BLTP3B: variants seen among roughly 807,000 people sequenced by gnomAD.
BLTP3B encodes the protein UHRF1 (ICBP90) binding protein 1-like.
chr12:100,099,985 A>T, the BLTP3B span, among the ~76,000 whole-genome samples: 2 of 151,162 alleles, frequency 1.3e-5, no homozygotes, highest in East Asian at 1.9e-4. Context: ...GTTACATATA[A>T]ATTATTAAAA....
At chr12:100,101,949 G>A in the BLTP3B span, among the ~76,000 whole-genome samples, 16 of 151,958 alleles carry the variant, frequency 1.1e-4, no homozygotes, top group African/African-American at 3.4e-4. Context: ...GAATACAGGC[G>A]TATACCACCG....
chr12:100,037,390 G>A, the BLTP3B span: 16 of 1,181,510 alleles, frequency 1.4e-5, no homozygotes, highest in Non-Finnish European at 1.5e-5. Context: ...ACTATGTGTT[G>A]ACTTCCCTAG....
chr12:100,043,694 G>A, the BLTP3B span, among the ~76,000 whole-genome samples: 10 of 152,152 alleles, frequency 6.6e-5, no homozygotes, highest in African/African-American at 2.4e-4. Context: ...TAACTAGATA[G>A]GGAATCATTC....
the BLTP3B span, chr12:100,095,861 T>A: frequency 4.5e-6 from 7 of 1,549,814 alleles, no homozygotes; most frequent in Non-Finnish European, 6.1e-6. Flanking sequence ...AAATGTTTTA[T>A]AAAATTAAGC....
At chr12:100,051,164 C>A in the BLTP3B span, 1 of 1,614,042 alleles carries the variant, frequency 6.2e-7, no homozygotes, top group East Asian at 2.2e-5. Context: ...TAGGTTTGCA[C>A]CAGCATTCAC....
the BLTP3B span, among the ~76,000 whole-genome samples, chr12:100,121,306 T>C: frequency 1.4e-5 from 2 of 143,078 alleles, no homozygotes; most frequent in Non-Finnish European, 3.0e-5. Context: ...GCTGAGATAG[T>C]GCCACTGCAT....
chr12:100,122,773 C>G, the BLTP3B span, among the ~76,000 whole-genome samples: 2 of 152,086 alleles, frequency 1.3e-5, no homozygotes, highest in Non-Finnish European at 1.5e-5. Flanking sequence ...CTTCAAGAAC[C>G]CTCTTCTCTA....
the BLTP3B span, chr12:100,050,022 A>G: frequency 2.5e-6 from 2 of 807,056 alleles, no homozygotes; most frequent in Non-Finnish European, 3.5e-6. Flanking sequence ...CACACTATAG[A>G]AAAAACCACT....
the BLTP3B span, among the ~76,000 whole-genome samples, chr12:100,134,358 C>G: frequency 6.6e-5 from 10 of 152,158 alleles, no homozygotes; most frequent in Non-Finnish European, 1.2e-4. Flanking sequence ...TAATCCCAAG[C>G]ACTTTGGGAA....
At chr12:100,138,004 G>C in the BLTP3B span, among the ~76,000 whole-genome samples, 351 of 152,258 alleles carry the variant, frequency 2.3e-3, 8 homozygotes, top group East Asian at 0.04. Context: ...ATCAAAGACT[G>C]GGAATTATGG....
At chr12:100,069,911 C>A in the BLTP3B span, 1 of 1,045,182 alleles carries the variant, frequency 9.6e-7, no homozygotes, top group South Asian at 4.7e-5. Context: ...TTAAAAATTA[C>A]TTGTTCAATG....
At chr12:100,098,635 C>A in the BLTP3B span, 2 of 1,342,184 alleles carry the variant, frequency 1.5e-6, no homozygotes. Flanking sequence ...GGGATGGTGG[C>A]TCATACCTGT....
the BLTP3B span, among the ~76,000 whole-genome samples, chr12:100,089,579 C>CA: frequency 6.6e-6 from 1 of 151,568 alleles, no homozygotes; most frequent in African/African-American, 2.4e-5. Flanking sequence ...AAAACAAAAA[C>CA]AAAAAAACAA....
the BLTP3B span, among the ~76,000 whole-genome samples, chr12:100,073,603 G>A: frequency 6.8e-3 from 1,036 of 151,808 alleles, 6 homozygotes; most frequent in Non-Finnish European, 7.5e-3. Flanking sequence ...AATTATTATT[G>A]TAAATTCAGT....
chr12:100,136,113 G>A, the BLTP3B span, among the ~76,000 whole-genome samples: 42,221 of 151,302 alleles, frequency 0.28, 8,550 homozygotes, highest in African/African-American at 0.57. Flanking sequence ...CAGGAGGCTA[G>A]GGCAGGAGTA....
chr12:100,088,860 T>C, the BLTP3B span: 1 of 1,340,158 alleles, frequency 7.5e-7, no homozygotes, highest in Non-Finnish European at 9.9e-7. Flanking sequence ...ACAATCCAGT[T>C]TTGTAGTCAA....
the BLTP3B span, chr12:100,039,683 C>A: frequency 5.0e-6 from 8 of 1,614,014 alleles, no homozygotes; most frequent in Admixed American, 6.7e-5. Context: ...GAGTGGCTTG[C>A]GTGACACTGC....
At chr12:100,140,729 A>AAAAT in the BLTP3B span, among the ~76,000 whole-genome samples, 65 of 61,462 alleles carry the variant, frequency 1.1e-3, 1 homozygote, top group African/African-American at 1.5e-3. Context: ...AAAAAAAAAA[A>AAAAT]ATATATATAT....
chr12:100,063,188 G>A, the BLTP3B span, among the ~76,000 whole-genome samples: 4 of 152,190 alleles, frequency 2.6e-5, no homozygotes, highest in South Asian at 8.3e-4. Flanking sequence ...GGGAGGACCC[G>A]TAGACCCTCT....
Sources: gnomAD v4.1 joint callset for allele counts (sites outside exome capture counted in the v4.1 genomes callset) on GRCh38, gnomAD v4.1.1 for gene constraint, MANE v1.5 for transcripts, NCBI Gene and HGNC (gene_info 2026-07-23, HGNC 2026-07-21) for gene names.